Variants in RTEL1 observed in about 807,000 individuals in gnomAD.
The protein encoded by RTEL1 is regulator of telomere elongation helicase 1.
A neutral mutation model predicts 162.2 loss-of-function variants in RTEL1; 86 were observed. That is an observed-to-expected ratio of 0.53 (90% CI 0.45 to 0.63). The LOEUF (loss-of-function observed/expected upper bound fraction) is 0.63, where lower values mean the gene tolerates loss of function less well. RTEL1 is among the 30% of genes least tolerant of loss of function. The pLI is 0.00. For synonymous variants in RTEL1, 958 were observed against 717.9 expected, an observed-to-expected ratio of 1.33 and a Z score of -5.35; for missense variants, 1,941 against 1,750.2, an observed-to-expected ratio of 1.11 and a Z score of -1.95.
Position 63,690,198 on chromosome 20 carries a change from T to C in RTEL1, c.2253T>C (p.Val751=), listed in dbSNP as rs1261779912. The change falls in exon 25 of 35, where the codon GTT becomes GTC. Residue 751 remains valine (V), a synonymous_variant. Transcript: ENST00000360203. ...VIRDVAQFFR[V]AERTMPAPAP... ...GAGACGTGGCCCAGTTCTTCCGTGT[T>C]GCCGAGCGAACTGTGAGTTCCTGCC... 6.2e-7 allele frequency: 1 copy of C among 1,612,406 alleles called. No homozygotes were observed. The highest frequency in any genetic ancestry group is 1.7e-5 in the Admixed American group (1 of 60,002).
At chr20:63,673,884 C>G in intron 9 of RTEL1, 56 bp from the exon 10 acceptor site, 1 of 1,531,106 alleles carries the variant, frequency 6.5e-7, no homozygotes, top group Non-Finnish European at 8.8e-7. Flanking sequence ...TTTCTGCTTT[C>G]TGGAACCCCC....
chr20:63,693,372 G>T, intron 30 of RTEL1, 89 bp downstream of exon 30: 3 of 1,524,454 alleles, frequency 2.0e-6, no homozygotes, highest in South Asian at 1.1e-5. Flanking sequence ...GGGCATCCTC[G>T]GGCCCTGCTT....
intron 23 of RTEL1, 43 bp from the exon 24 acceptor site, chr20:63,689,707 G>T: frequency 6.2e-7 from 1 of 1,604,514 alleles, no homozygotes; most frequent in Middle Eastern, 1.7e-4. Context: ...CCCCCGCCCC[G>T]TGGCCAAGGG....
At position 63,689,052 on chromosome 20, in the gene RTEL1, C is replaced by T. The variant is rs1156523997; in HGVS notation, c.1801-3C>T. ...GGCTCAGCCTCACCAACTTTCCTTC[C>T]AGACCATCAGTGCTTACTATGCAAG... On this transcript the variant is annotated splice_polypyrimidine_tract_variant and splice_region_variant and intron_variant, in intron 21 of 34. Coordinates refer to ENST00000360203, the MANE Select transcript of RTEL1 (RefSeq NM_001283009.2). 3 of 1,610,642 alleles carry T rather than the reference C, an allele frequency of 1.9e-6. No individual in the cohort carries two copies. Among genetic ancestry groups the T allele is most frequent in the East Asian group, 4.5e-5 (2 of 44,842 alleles).
intron 28 of RTEL1, chr20:63,692,594 C>G: frequency 5.0e-6 from 3 of 597,466 alleles, no homozygotes; most frequent in Non-Finnish European, 6.0e-6. Context: ...CTGCCAGCCT[C>G]TCACTGTGTG....
Position 63,661,961 on chromosome 20 carries a change from AC to A in RTEL1, c.395+19del, listed in dbSNP as rs780292704. ...TCCTACCGGTGGGTCAGACGAGTTT[AC>A]ACCTGTCTCGGGGTCCTCAAGAGAA... On this transcript the variant is annotated intron_variant, in intron 4 of 34. Transcript: ENST00000360203. The surrounding 1 kb of genome is among the most constrained non-coding windows in gnomAD (Gnocchi z 5.1). 3.7e-5 allele frequency: 59 copies of A among 1,598,098 alleles called. No homozygotes were observed. The highest frequency in any genetic ancestry group is 3.3e-4 in the Middle Eastern group (2 of 6,050).
intron 28 of RTEL1, chr20:63,692,071 G>C: frequency 2.0e-6 from 1 of 504,320 alleles, no homozygotes; most frequent in South Asian, 2.1e-5. Flanking sequence ...GGTTTGGCAT[G>C]GGGCCTGCAG....
intron 2 of RTEL1, among the ~76,000 whole-genome samples, chr20:63,660,352 C>T (rs141552221): frequency 1.1e-4 from 17 of 152,338 alleles, no homozygotes; most frequent in African/African-American, 3.4e-4. Context: ...GGGCAATACC[C>T]GGCTTTCCAG....
Position 63,689,037 on chromosome 20 carries a change from C to T in RTEL1, c.1801-18C>T, listed in dbSNP as rs199935318. 79 of 1,608,098 alleles carry T rather than the reference C, an allele frequency of 4.9e-5. No individual in the cohort carries two copies. Among genetic ancestry groups the T allele is most frequent in the Non-Finnish European group, 5.3e-5 (62 of 1,178,150 alleles). On this transcript the variant is annotated intron_variant, in intron 21 of 34. Transcript: ENST00000360203. ...TGGGGGGGGGCTCCAGGCTCAGCCT[C>T]ACCAACTTTCCTTCCAGACCATCAG...
chr20:63,685,733 A>T (rs981124733), intron 15 of RTEL1, 58 bp from the exon 16 acceptor site: 1 of 1,591,066 alleles, frequency 6.3e-7, no homozygotes, highest in Non-Finnish European at 8.6e-7. Context: ...CTAAAAGGTA[A>T]GGGGCTGCCC....
chr20:63,666,681 A>G (rs942530890), intron 7 of RTEL1, among the ~76,000 whole-genome samples: 2 of 151,580 alleles, frequency 1.3e-5, no homozygotes, highest in African/African-American at 4.9e-5. Flanking sequence ...GACTGCAGGC[A>G]CACACCACCA....
chr20:63,671,314 C>T (rs547916288), intron 8 of RTEL1, among the ~76,000 whole-genome samples: 2 of 152,134 alleles, frequency 1.3e-5, no homozygotes, highest in South Asian at 4.1e-4. Flanking sequence ...TCACTTTGGC[C>T]TCCCAAAGTG....
chr20:63,660,647 T>C (rs1052681608), intron 2 of RTEL1: 4 of 153,278 alleles, frequency 2.6e-5, no homozygotes, highest in Admixed American at 2.6e-4. Flanking sequence ...ATAGACACAG[T>C]AACAGTCTGA....
intron 21 of RTEL1, 170 bp downstream of exon 21, chr20:63,688,775 C>T: frequency 1.5e-6 from 1 of 662,240 alleles, no homozygotes; most frequent in Non-Finnish European, 2.5e-6. Flanking sequence ...TCTTATCTTA[C>T]AAAGCCCCCA....
At chr20:63,694,348 T>C (rs1429834455) in intron 30 of RTEL1, 24 bp from the exon 31 acceptor site, 5 of 1,577,622 alleles carry the variant, frequency 3.2e-6, no homozygotes, top group Non-Finnish European at 4.4e-6. Context: ...CGACCAGCTT[T>C]GTGGCTCTAC....
At chr20:63,685,029 C>T (rs974499367) in intron 14 of RTEL1, among the ~76,000 whole-genome samples, 3 of 151,402 alleles carry the variant, frequency 2.0e-5, no homozygotes, top group Non-Finnish European at 4.4e-5. Context: ...AGGCACATGC[C>T]ACCATGCCCG....
At chr20:63,693,513 T>TCTA (rs2090852622) in intron 30 of RTEL1, among the ~76,000 whole-genome samples, 1 of 2,478 alleles carries the variant, frequency 4.0e-4, no homozygotes, top group East Asian at 4.9e-3. Context: ...CACCACCTCC[T>TCTA]CCACCACCAC....
rs2146141516 is a variant in RTEL1, at chr20:63,659,458, A to G, written c.56A>G (p.Lys19Arg). Residue 19 changes from lysine (K) to arginine (R), a missense_variant, in exon 2 of 35, where the codon AAA (lysine) becomes AGA (arginine). By Grantham distance (26) the Lys-to-Arg change is conservative. Transcript: ENST00000360203. ...VTVDFPFQPY[K>R]CQQEYMTKVL... ...GTAGACTTCCCTTTCCAGCCCTACA[A>G]ATGCCAACAGGAGTACATGACCAAG... The G allele has an allele frequency of 6.2e-7, 1 of 1,614,174 alleles. No individual in the cohort carries two copies. The highest frequency in any genetic ancestry group is 2.2e-5 in the East Asian group (1 of 44,872).
chr20:63,662,744 A>C, intron 5 of RTEL1, 85 bp from the exon 6 acceptor site: 1 of 1,590,310 alleles, frequency 6.3e-7, no homozygotes, highest in South Asian at 1.1e-5. Context: ...GGGGGACTGC[A>C]GGGGAGGACC....
Sources: allele counts gnomAD v4.1 joint callset (sites outside exome capture counted in the v4.1 genomes callset), GRCh38; gene constraint gnomAD v4.1.1; non-coding constraint Gnocchi (gnomAD v3.1); transcripts MANE v1.5; gene names NCBI Gene and HGNC (gene_info 2026-07-23, HGNC 2026-07-21).